The following RUNX1 variants were observed in gnomAD, a reference collection of about 807,000 sequenced individuals.
RUNX1 encodes RUNX family transcription factor 1.
Under a neutral mutation model 42.8 loss-of-function variants are expected in RUNX1, and 19 were observed. The ratio of observed to expected loss-of-function variants is 0.44; its 90% confidence interval spans 0.31 to 0.65. RUNX1 has a LOEUF of 0.65. RUNX1 is among the 30% of genes least tolerant of loss of function. RUNX1 has a pLI of 0.07. For synonymous variants in RUNX1, 271 were observed against 289.4 expected (o/e 0.94, Z 0.64); for missense variants, 528 against 672.0 (o/e 0.79, Z 2.37).
chr21:34,941,821 AT>A (rs1053713546), intron 2 of RUNX1, among the ~76,000 whole-genome samples: 1 of 141,036 alleles, frequency 7.1e-6, no homozygotes, highest in African/African-American at 2.6e-5. Context: ...TTTTTCTTTT[AT>A]TTTTTTCCTT....
At chr21:34,913,640 T>C (rs1448501311) in intron 2 of RUNX1, among the ~76,000 whole-genome samples, 1 of 152,196 alleles carries the variant, frequency 6.6e-6, no homozygotes, top group Non-Finnish European at 1.5e-5. Flanking sequence ...AAGGTTTCAA[T>C]CTGGGGTGGG....
chr21:34,874,610 CAAAAAAAAAAAA>C (rs59950735), intron 5 of RUNX1, among the ~76,000 whole-genome samples: 2 of 25,298 alleles, frequency 7.9e-5, no homozygotes, highest in African/African-American at 2.3e-4. Flanking sequence ...AACTCTGTCT[CAAAAAAAAAAAA>C]AAAAAAAAAA....
intron 2 of RUNX1, among the ~76,000 whole-genome samples, chr21:35,036,069 G>T (rs993332276): frequency 5.3e-5 from 8 of 152,294 alleles, no homozygotes; most frequent in African/African-American, 1.9e-4. Flanking sequence ...ATCCCTGAGG[G>T]AAGACAGAAG....
chr21:34,993,601 G>GCACACACAGGCA (rs2058965132), intron 2 of RUNX1, among the ~76,000 whole-genome samples: 1 of 46,434 alleles, frequency 2.2e-5, no homozygotes, highest in African/African-American at 7.4e-5. Context: ...ACACACACAG[G>GCACACACAGGCA]CACACACAGG....
chr21:34,994,112 G>C (rs536697223), intron 2 of RUNX1, among the ~76,000 whole-genome samples: 9 of 152,148 alleles, frequency 5.9e-5, no homozygotes, highest in Non-Finnish European at 1.0e-4. Flanking sequence ...GAAGGAGAAA[G>C]TAAAGGTTGT....
At chr21:34,994,188 G>A (rs534416961) in intron 2 of RUNX1, among the ~76,000 whole-genome samples, 7 of 137,138 alleles carry the variant, frequency 5.1e-5, no homozygotes, top group East Asian at 2.0e-4. Context: ...ACATCTAGAC[G>A]GAACCACATT....
At chr21:34,878,044 T>C (rs1031064088) in intron 5 of RUNX1, among the ~76,000 whole-genome samples, 2 of 152,092 alleles carry the variant, frequency 1.3e-5, no homozygotes, top group African/African-American at 2.4e-5. Context: ...AATGAGACAG[T>C]TGTCTTAAGA....
rs2056436943 is a variant in RUNX1, at chr21:34,791,715, C to T, written c.*420G>A. ...CTCTCCCCCCACCCCAACCAAAATT[C>T]CACACTCTTTGGAATAAACAACTTG... On this transcript the variant is annotated 3_prime_UTR_variant, in exon 9 of 9. Transcript: ENST00000675419. 1 of 230,292 alleles carries T rather than the reference C, an allele frequency of 4.3e-6. No individual in the cohort carries two copies. Among genetic ancestry groups the T allele is most frequent in the Non-Finnish European group, 8.6e-6 (1 of 115,994 alleles). The allele number at this position is 230,292 out of a possible 1,614,324, so 14.3% of individuals were successfully genotyped here. A position where few individuals can be genotyped will look rare whatever the true frequency, so the allele number is the denominator to read the frequency against.
intron 2 of RUNX1, among the ~76,000 whole-genome samples, chr21:34,988,200 A>T (rs2058906776): frequency 6.6e-6 from 1 of 152,166 alleles, no homozygotes; most frequent in Non-Finnish European, 1.5e-5. Flanking sequence ...GCCAAGGAAG[A>T]TCAGAGAAGC....
At chr21:34,878,330 T>C (rs2057844907) in intron 5 of RUNX1, among the ~76,000 whole-genome samples, 1 of 146,642 alleles carries the variant, frequency 6.8e-6, no homozygotes, top group Admixed American at 6.7e-5. Context: ...CTCATTTACT[T>C]TTGTAGCGCT....
intron 2 of RUNX1, among the ~76,000 whole-genome samples, chr21:34,951,299 TA>T (rs2076920876): frequency 6.6e-6 from 1 of 152,374 alleles, no homozygotes; most frequent in East Asian, 1.9e-4. Context: ...TGTGTCATTC[TA>T]AAAAACTATA....
At chr21:35,004,563 T>C (rs2834721) in intron 2 of RUNX1, among the ~76,000 whole-genome samples, 42,539 of 152,082 alleles carry the variant, frequency 0.28, 6,533 homozygotes, top group African/African-American at 0.38. Flanking sequence ...CACTAGAACC[T>C]GGGAACTTTG....
intron 5 of RUNX1, among the ~76,000 whole-genome samples, chr21:34,874,405 T>C (rs1169693725): frequency 7.5e-6 from 1 of 133,112 alleles, no homozygotes; most frequent in Non-Finnish European, 1.6e-5. Flanking sequence ...AGATCAGGAG[T>C]TCAAGACCAG....
At chr21:35,005,520 AT>A (rs1457937404) in intron 2 of RUNX1, among the ~76,000 whole-genome samples, 2 of 152,158 alleles carry the variant, frequency 1.3e-5, no homozygotes, top group Non-Finnish European at 2.9e-5. Context: ...CCTAGGAACT[AT>A]CAGTTTTCCA....
intron 3 of RUNX1, chr21:34,888,451 T>C (rs1297114510): frequency 5.6e-6 from 6 of 1,066,268 alleles, no homozygotes; most frequent in Non-Finnish European, 5.7e-6. Flanking sequence ...AGGAAAGAAG[T>C]TGAAAACATC....
At chr21:34,898,068 T>C (rs1439429550) in intron 2 of RUNX1, among the ~76,000 whole-genome samples, 1 of 151,998 alleles carries the variant, frequency 6.6e-6, no homozygotes, top group Non-Finnish European at 1.5e-5. Context: ...TAGAGAGCAG[T>C]CTCTAGATGC....
At position 34,909,588 on chromosome 21, in the gene RUNX1, C is replaced by CAAAAAAAAAAAAAAAAAAAAAAAAAAAAA. The variant is rs10584066; in HGVS notation, c.59-16626_59-16625insTTTTTTTTTTTTTTTTTTTTTTTTTTTTT. Among the ~76,000 whole-genome samples, 10 of 75,024 alleles carry CAAAAAAAAAAAAAAAAAAAAAAAAAAAAA rather than the reference C, an allele frequency of 1.3e-4. 3 individuals are homozygous for CAAAAAAAAAAAAAAAAAAAAAAAAAAAAA. Among genetic ancestry groups the CAAAAAAAAAAAAAAAAAAAAAAAAAAAAA allele is most frequent in the African/African-American group, 5.6e-4 (9 of 16,004 alleles). The allele number at this position is 75,024 out of a possible 152,430, so 49.2% of individuals were successfully genotyped here. A position where few individuals can be genotyped will look rare whatever the true frequency, so the allele number is the denominator to read the frequency against. The stretch of plus-strand genomic sequence containing the variant: ...TTATACAGACCAGGTCACTGTTCCT[C>CAAAAAAAAAAAAAAAAAAAAAAAAAAAAA]AAAAAAAAAAAAAAAAAAAAGATGG... On this transcript the variant is annotated intron_variant, in intron 2 of 8. Coordinates refer to ENST00000675419, the MANE Select transcript of RUNX1 (RefSeq NM_001754.5).
rs2059227801 is a variant in RUNX1, at chr21:35,025,383, G to A, written c.58+23459C>T. ...TTCAAAGCTCTCATGGTCCAGCCCT[G>A]TTCAACCTGAGCAGCATCCTATCTG... On this transcript the variant is annotated intron_variant, in intron 2 of 8. Transcript: ENST00000675419. Among the ~76,000 whole-genome samples the A allele has an allele frequency of 2.0e-5, 3 of 152,272 alleles. No individual in the cohort carries two copies. In the South Asian group the frequency reaches 6.2e-4, roughly 32 times the overall value.
At chr21:35,038,611 C>CTGTGTGTGTGTGTG (rs1234796159) in intron 2 of RUNX1, 1 of 288,292 alleles carries the variant, frequency 3.5e-6, no homozygotes, top group Non-Finnish European at 6.4e-6. Context: ...CTCTCTCTCT[C>CTGTGTGTGTGTGTG]TCTGTGTGTG....
Sources: gnomAD v4.1 joint callset for allele counts (sites outside exome capture counted in the v4.1 genomes callset) on GRCh38, gnomAD v4.1.1 for gene constraint, MANE v1.5 for transcripts, NCBI Gene and HGNC (gene_info 2026-07-23, HGNC 2026-07-21) for gene names.